OVCH1: variants seen among roughly 807,000 people sequenced by gnomAD.
OVCH1 encodes ovochymase-1.
OVCH1 carries 139 observed loss-of-function variants against 138.4 expected under a neutral mutation model. The ratio of observed to expected loss-of-function variants is 1.00; its 90% CI spans 0.87 to 1.16. OVCH1 has a LOEUF of 1.16. Ranked by LOEUF, OVCH1 falls within the 50% of genes most tolerant of loss-of-function variation. OVCH1 has a pLI of 0.00. For missense variants in OVCH1, 1,367 were observed against 1,357.9 expected, an observed-to-expected ratio of 1.01 and a Z score of -0.11; for synonymous variants, 453 against 467.8, an observed-to-expected ratio of 0.97 and a Z score of 0.41.
intron 16 of OVCH1, among the ~76,000 whole-genome samples, chr12:29,469,550 C>G (rs1342357755): frequency 6.6e-6 from 1 of 152,012 alleles, no homozygotes; most frequent in Non-Finnish European, 1.5e-5. Context: ...ACCCATGAGG[C>G]TGGCCTGCTG....
chr12:29,449,637 G>C (rs536821528), intron 22 of OVCH1, among the ~76,000 whole-genome samples: 5 of 152,202 alleles, frequency 3.3e-5, no homozygotes, highest in Admixed American at 3.3e-4. Context: ...GTGAATGGGA[G>C]TTCACTCATG....
intron 26 of OVCH1, among the ~76,000 whole-genome samples, chr12:29,435,979 TTAAACA>T (rs1431822493): frequency 6.6e-6 from 1 of 152,202 alleles, no homozygotes; most frequent in Non-Finnish European, 1.5e-5. Flanking sequence ...AGATGTCCAA[TTAAACA>T]TATTGATCTT....
chr12:29,409,690 T>C (rs1354493965), downstream of OVCH1, among the ~76,000 whole-genome samples: 3 of 152,242 alleles, frequency 2.0e-5, no homozygotes, highest in Non-Finnish European at 4.4e-5. Flanking sequence ...TTATAATTTC[T>C]GTTCCTTTAC....
At chr12:29,496,324 A>T (rs1565618994) in intron 2 of OVCH1, 46 bp from the exon 3 acceptor site, 2 of 1,444,620 alleles carry the variant, frequency 1.4e-6, no homozygotes, top group African/African-American at 2.8e-5. Flanking sequence ...GTCTCCCCAC[A>T]TATGTATCTC....
chr12:29,433,916 C>A, intron 26 of OVCH1: 4 of 1,024,796 alleles, frequency 3.9e-6, no homozygotes, highest in South Asian at 3.9e-5. Flanking sequence ...GGCAGTAAAG[C>A]AAAGCCTGCT....
At chr12:29,445,184 T>C in intron 23 of OVCH1, 94 bp downstream of exon 23, 3 of 1,321,686 alleles carry the variant, frequency 2.3e-6, no homozygotes, top group Non-Finnish European at 3.1e-6. Flanking sequence ...AAACATAATT[T>C]CTTTCAAAAT....
Position 29,433,758 on chromosome 12 carries a change from A to T in OVCH1, c.3320T>A (p.Leu1107Ter), listed in dbSNP as rs1941310060. ...CCCTTATGATATACTTACATAACTTAAATTTGATGCAAATTTCTTCTGTTT... is the reference window on the plus strand; with the variant it reads ...CCCTTATGATATACTTACATAACTTTAATTTGATGCAAATTTCTTCTGTTT... The change falls in exon 27 of 28, where the codon TTA becomes TAA. Residue 1107 changes from leucine to a stop codon, truncating the protein, a stop_gained. Transcript: ENST00000318184. LOFTEE classifies it high-confidence loss of function. The T allele has an allele frequency of 9.8e-6, 14 of 1,426,230 alleles. No homozygotes were observed. Among genetic ancestry groups the T allele is most frequent in the Non-Finnish European group, 1.3e-5 (14 of 1,060,164 alleles). The allele number at this position is 1,426,230 out of a possible 1,614,324, so 88.3% of individuals were successfully genotyped here.
chr12:29,416,983 T>C (rs1366423944), intron 3 of OVCH1, among the ~76,000 whole-genome samples: 1 of 152,152 alleles, frequency 6.6e-6, no homozygotes, highest in Non-Finnish European at 1.5e-5. Context: ...TTAAAAGGAA[T>C]GAACTATCAA....
intron 27 of OVCH1, among the ~76,000 whole-genome samples, chr12:29,430,372 A>T (rs1941247851): frequency 6.6e-6 from 1 of 152,054 alleles, no homozygotes; most frequent in African/African-American, 2.4e-5. Context: ...GGCCCCTAGA[A>T]CTCCCAAGAG....
chr12:29,458,074 G>C (rs1354804951), intron 19 of OVCH1, among the ~76,000 whole-genome samples: 1 of 152,078 alleles, frequency 6.6e-6, no homozygotes, highest in Non-Finnish European at 1.5e-5. Flanking sequence ...AGAGATCTAT[G>C]ACTTTGTAGA....
At chr12:29,451,513 A>G in exon 22 of OVCH1, 2 of 1,613,226 alleles carry the variant, frequency 1.2e-6, no homozygotes, top group Non-Finnish European at 1.7e-6. Flanking sequence ...TCCAGTAGAT[A>G]CCGTGGTGTG....
intron 15 of OVCH1, among the ~76,000 whole-genome samples, chr12:29,472,388 G>C (rs1030303232): frequency 2.0e-5 from 3 of 152,062 alleles, no homozygotes; most frequent in Non-Finnish European, 2.9e-5. Flanking sequence ...ATATCTTCTT[G>C]TTTTAGTTCT....
intron 13 of OVCH1, 31 bp downstream of exon 13, chr12:29,476,175 C>T (rs779462727): frequency 1.3e-6 from 2 of 1,560,338 alleles, no homozygotes; most frequent in East Asian, 2.2e-5. Flanking sequence ...TCGTCTAACA[C>T]TTTCATATTT....
At position 29,461,931 on chromosome 12, in the gene OVCH1, A is replaced by AAT; in HGVS notation, c.2201_2202dup (p.Ser735IlefsTer12). 6.2e-7 allele frequency: 1 copy of AAT among 1,613,902 alleles called. No individual in the cohort carries two copies. The highest frequency in any genetic ancestry group is 2.2e-5 in the East Asian group (1 of 44,880). On this transcript the variant is annotated frameshift_variant, in exon 19 of 28. Coordinates refer to ENST00000318184, the Ensembl canonical transcript of OVCH1. LOFTEE classifies it high-confidence loss of function. ...TCTGTGATCCCTCCTGGATGGGCAG[A>AAT]ATAGTAAGTGTGTTCACAGACCTCT... is the stretch of plus-strand genomic sequence containing the variant.
chr12:29,474,894 C>A (rs1278395733), intron 14 of OVCH1, among the ~76,000 whole-genome samples, 167 bp downstream of exon 14: 1 of 152,130 alleles, frequency 6.6e-6, no homozygotes, highest in East Asian at 1.9e-4. Context: ...GGGCCCCATC[C>A]CAGATCTACA....
chr12:29,405,728 A>C, the OVCH1 span, among the ~76,000 whole-genome samples: 1 of 152,252 alleles, frequency 6.6e-6, no homozygotes, highest in Non-Finnish European at 1.5e-5. Flanking sequence ...AGAAGGAAAA[A>C]GTTTAGAACC....
chr12:29,478,795 A>C, intron 9 of OVCH1, 40 bp downstream of exon 10: 5 of 1,394,540 alleles, frequency 3.6e-6, no homozygotes, highest in Non-Finnish European at 4.8e-6. Context: ...TCTTTCAGAT[A>C]CTCTAAAATG....
chr12:29,450,197 C>T (rs996213303), intron 22 of OVCH1, among the ~76,000 whole-genome samples: 2 of 152,120 alleles, frequency 1.3e-5, no homozygotes, highest in Non-Finnish European at 2.9e-5. Flanking sequence ...AGCTTCCGTA[C>T]AGCAAAAGAA....
chr12:29,496,338 C>A (rs1038255016), intron 2 of OVCH1, 60 bp from the exon 3 acceptor site: 1 of 1,362,088 alleles, frequency 7.3e-7, no homozygotes, highest in African/African-American at 1.4e-5. Context: ...GTATCTCCAT[C>A]GGAAACACTG....
Sources: gnomAD v4.1 joint callset for allele counts (sites outside exome capture counted in the v4.1 genomes callset) on GRCh38, gnomAD v4.1.1 for gene constraint, MANE v1.5 for transcripts, NCBI Gene and HGNC (gene_info 2026-07-23, HGNC 2026-07-21) for gene names.